OPRM1: variants seen among roughly 807,000 people sequenced by gnomAD.
OPRM1 encodes mu-type opioid receptor.
OPRM1 carries 27 observed loss-of-function variants against 31.8 expected under a neutral mutation model. The observed-to-expected ratio is 0.85, with a 90% CI of 0.63 to 1.17. The LOEUF (loss-of-function observed/expected upper bound fraction) is 1.17. Among genes scored for constraint, OPRM1 ranks in the 50% most tolerant of loss-of-function variants. The probability of loss-of-function intolerance (pLI) is 0.00; values close to 1 mark genes in which losing one functional copy is unlikely to be tolerated. For synonymous variants in OPRM1, 196 were observed against 189.9 expected, an observed-to-expected ratio of 1.03 and a Z score of -0.26; for missense variants, 536 against 511.1, an observed-to-expected ratio of 1.05 and a Z score of -0.47.
downstream of OPRM1, among the ~76,000 whole-genome samples, chr6:154,133,602 C>T (rs1241158254): frequency 1.3e-5 from 2 of 152,130 alleles, no homozygotes; most frequent in East Asian, 1.9e-4. Context: ...ACCAGTCTAC[C>T]CTCCTTCCAA....
At chr6:154,161,323 G>T (rs1316057957) in intron 3 of OPRM1, among the ~76,000 whole-genome samples, 1 of 150,706 alleles carries the variant, frequency 6.6e-6, no homozygotes, top group African/African-American at 2.4e-5. Flanking sequence ...CGATTCTCCT[G>T]CATCAACCTC....
At chr6:154,103,535 A>T (rs618207) in intron 3 of OPRM1, among the ~76,000 whole-genome samples, 3 of 151,942 alleles carry the variant, frequency 2.0e-5, no homozygotes, top group Non-Finnish European at 2.9e-5. Context: ...TCTAGGTAAT[A>T]GTACAATGAG....
At chr6:154,143,757 A>G (rs1256720388) in intron 3 of OPRM1, among the ~76,000 whole-genome samples, 1 of 152,202 alleles carries the variant, frequency 6.6e-6, no homozygotes, top group African/African-American at 2.4e-5. Flanking sequence ...AAGACTCAGG[A>G]ATTTCCACTT....
chr6:154,190,917 G>A (rs148637463), intron 3 of OPRM1, among the ~76,000 whole-genome samples: 16 of 152,142 alleles, frequency 1.1e-4, no homozygotes, highest in African/African-American at 2.6e-4. Context: ...TTAGCTGGGC[G>A]TGGTGGCAGG....
In OPRM1 at chr6:154,125,476, C is replaced by T. The variant is rs1029573271; in HGVS notation, c.*6755C>T. 6.6e-6 allele frequency among the ~76,000 whole-genome samples: 1 copy of T among 152,150 alleles called. No homozygotes were observed. Among genetic ancestry groups the T allele is most frequent in the African/African-American group, 2.4e-5 (1 of 41,430 alleles). ...GTATTACATTCTTAGCATAAGTATA[C>T]TCATAAAGAAAAATAAGTATTTGTT... On this transcript the variant is annotated 3_prime_UTR_variant, in exon 4 of 4. Transcript: ENST00000330432.
At chr6:154,099,480 A>G (rs1055013935) in intron 3 of OPRM1, among the ~76,000 whole-genome samples, 85 of 151,200 alleles carry the variant, frequency 5.6e-4, no homozygotes, top group Admixed American at 2.6e-3. Flanking sequence ...AAAAGAAAGA[A>G]AGAAAGAAGG....
chr6:154,205,668 A>C (rs972784866), intron 3 of OPRM1, among the ~76,000 whole-genome samples: 1 of 152,246 alleles, frequency 6.6e-6, no homozygotes, highest in Non-Finnish European at 1.5e-5. Context: ...TTACCTAACT[A>C]GTTAGTGTAT....
At chr6:154,100,564 C>G (rs868804610) in intron 3 of OPRM1, among the ~76,000 whole-genome samples, 1 of 151,624 alleles carries the variant, frequency 6.6e-6, no homozygotes, top group African/African-American at 2.4e-5. Flanking sequence ...TAAATATAGG[C>G]TGAAAATTTC....
intron 1 of OPRM1, among the ~76,000 whole-genome samples, chr6:154,070,232 T>C (rs1376811686): frequency 6.6e-6 from 1 of 152,204 alleles, no homozygotes; most frequent in Non-Finnish European, 1.5e-5. Flanking sequence ...CAGGCTCGTG[T>C]GGGAGATAGA....
intron 1 of OPRM1, among the ~76,000 whole-genome samples, chr6:154,049,016 C>T (rs907342133): frequency 8.2e-4 from 124 of 152,116 alleles, no homozygotes; most frequent in African/African-American, 2.8e-3. Flanking sequence ...TTCCTGTGAG[C>T]CTCTGATTAT....
At chr6:154,084,127 G>A (rs1045539180) in intron 1 of OPRM1, among the ~76,000 whole-genome samples, 5 of 151,938 alleles carry the variant, frequency 3.3e-5, no homozygotes, top group African/African-American at 1.2e-4. Context: ...CTTTCCCGTC[G>A]CAGGATTCAG....
chr6:154,153,997 C>T (rs1798615978), intron 3 of OPRM1, among the ~76,000 whole-genome samples: 1 of 152,176 alleles, frequency 6.6e-6, no homozygotes. Context: ...TTACTAATAC[C>T]TTTGGTCTAA....
chr6:154,101,421 C>T (rs1794816506), intron 3 of OPRM1, among the ~76,000 whole-genome samples: 1 of 152,174 alleles, frequency 6.6e-6, no homozygotes, highest in Non-Finnish European at 1.5e-5. Flanking sequence ...GAACAATTCT[C>T]TCATAGAATT....
At chr6:154,071,956 T>C (rs1288236763) in intron 1 of OPRM1, among the ~76,000 whole-genome samples, 1 of 152,216 alleles carries the variant, frequency 6.6e-6, no homozygotes, top group African/African-American at 2.4e-5. Flanking sequence ...TTATATTCTA[T>C]GGAATTTTGT....
At chr6:154,070,974 A>G (rs1448895887) in intron 1 of OPRM1, among the ~76,000 whole-genome samples, 2 of 152,216 alleles carry the variant, frequency 1.3e-5, no homozygotes, top group African/African-American at 4.8e-5. Flanking sequence ...TATTTTAATT[A>G]AGGGAACATT....
chr6:154,165,871 C>T (rs946381512), intron 3 of OPRM1, among the ~76,000 whole-genome samples: 3 of 152,212 alleles, frequency 2.0e-5, no homozygotes, highest in African/African-American at 7.2e-5. Context: ...TGGAGAAGCC[C>T]ATGTGGCAAG....
At chr6:154,242,612 T>C (rs1264539230) in intron 3 of OPRM1, among the ~76,000 whole-genome samples, 1 of 152,082 alleles carries the variant, frequency 6.6e-6, no homozygotes, top group Non-Finnish European at 1.5e-5. Flanking sequence ...ATAGGCCAAG[T>C]GCGGTGGCTC....
At chr6:154,181,942 C>T (rs190059390) in intron 3 of OPRM1, among the ~76,000 whole-genome samples, 4 of 152,180 alleles carry the variant, frequency 2.6e-5, no homozygotes, top group Admixed American at 2.0e-4. Context: ...AAGATGAGAA[C>T]GTCAAGTTGG....
chr6:154,171,786 AG>A (rs1247605182), intron 3 of OPRM1, among the ~76,000 whole-genome samples: 3 of 152,198 alleles, frequency 2.0e-5, no homozygotes, highest in African/African-American at 7.2e-5. Context: ...TGACTCCTGA[AG>A]GGGGGCATTA....
Sources: gnomAD v4.1 joint callset for allele counts (sites outside exome capture counted in the v4.1 genomes callset) on GRCh38, gnomAD v4.1.1 for gene constraint, MANE v1.5 for transcripts, NCBI Gene and HGNC (gene_info 2026-07-23, HGNC 2026-07-21) for gene names.